Variants in EGFLAM observed in about 807,000 individuals in gnomAD.
EGFLAM encodes the protein pikachurin.
A neutral mutation model predicts 113.1 loss-of-function variants in EGFLAM; 79 were observed. The observed-to-expected ratio is 0.70, with a 90% CI of 0.58 to 0.84. The LOEUF is 0.84. Ranked by LOEUF, EGFLAM falls within the 40% of genes least tolerant of loss-of-function variation. EGFLAM has a pLI of 0.00. For synonymous variants in EGFLAM, 504 were observed against 487.6 expected (o/e 1.03, Z -0.44); for missense variants, 1,265 against 1,291.6 (o/e 0.98, Z 0.32).
At chr5:38,346,813 C>G (rs992085182) in intron 3 of EGFLAM, among the ~76,000 whole-genome samples, 8 of 152,178 alleles carry the variant, frequency 5.3e-5, no homozygotes, top group African/African-American at 1.9e-4. Flanking sequence ...TGCCTCCAGT[C>G]TCTTAACCAC....
At chr5:38,284,472 T>C (rs953866090) in intron 1 of EGFLAM, among the ~76,000 whole-genome samples, 2 of 152,224 alleles carry the variant, frequency 1.3e-5, no homozygotes, top group African/African-American at 4.8e-5. Context: ...TCAATAAAAC[T>C]TTATTTATGG....
chr5:38,295,354 G>A (rs1004730647), intron 1 of EGFLAM, among the ~76,000 whole-genome samples: 4 of 152,228 alleles, frequency 2.6e-5, no homozygotes, highest in African/African-American at 7.2e-5. Flanking sequence ...CATATTTGCA[G>A]TAGTAGTCAA....
chr5:38,415,381 G>T (rs929948491), intron 11 of EGFLAM, among the ~76,000 whole-genome samples: 1 of 145,270 alleles, frequency 6.9e-6, no homozygotes. Context: ...AAAAAGAAAA[G>T]AATTAAGAAT....
At chr5:38,433,978 C>T (rs1742266865) in intron 15 of EGFLAM, among the ~76,000 whole-genome samples, 1 of 152,222 alleles carries the variant, frequency 6.6e-6, no homozygotes, top group South Asian at 2.1e-4. Flanking sequence ...AACAGAGCTT[C>T]TTCCTCCATG....
At chr5:38,329,292 GATAAATAAATAA>G (rs10523377) in intron 1 of EGFLAM, among the ~76,000 whole-genome samples, 67,009 of 146,566 alleles carry the variant, frequency 0.46, 15,738 homozygotes, top group Admixed American at 0.52. Context: ...CTATCTCAAA[GATAAATAAATAA>G]ATAAATAAAT....
intron 13 of EGFLAM, among the ~76,000 whole-genome samples, chr5:38,425,924 G>A (rs907271075): frequency 1.3e-5 from 2 of 152,170 alleles, no homozygotes; most frequent in African/African-American, 4.8e-5. Context: ...CCAACGTGGT[G>A]AAACTCCGTT....
At chr5:38,275,661 C>T (rs1757867516) in intron 1 of EGFLAM, among the ~76,000 whole-genome samples, 2 of 152,138 alleles carry the variant, frequency 1.3e-5, no homozygotes, top group Admixed American at 6.5e-5. Flanking sequence ...CATCAATGGG[C>T]AGACAGAAAA....
intron 6 of EGFLAM, among the ~76,000 whole-genome samples, chr5:38,396,830 A>G (rs192947222): frequency 6.6e-6 from 1 of 152,264 alleles, no homozygotes. Flanking sequence ...TGCTTTGCCT[A>G]TGTATCTCCT....
intron 5 of EGFLAM, among the ~76,000 whole-genome samples, chr5:38,362,950 T>A (rs1739961368): frequency 6.6e-6 from 1 of 152,254 alleles, no homozygotes; most frequent in Non-Finnish European, 1.5e-5. Flanking sequence ...GGGAGCCATT[T>A]GTAAACTGTA....
At chr5:38,392,655 A>C (rs1740844333) in intron 6 of EGFLAM, among the ~76,000 whole-genome samples, 1 of 150,390 alleles carries the variant, frequency 6.6e-6, no homozygotes, top group Non-Finnish European at 1.5e-5. Context: ...ACTGGGATTT[A>C]ATATCATGGT....
In EGFLAM at chr5:38,407,875, T is replaced by C. The variant is rs149575773; in HGVS notation, c.1218T>C (p.Tyr406=). The change falls in exon 9 of 22, where the codon TAT becomes TAC. Residue 406 remains tyrosine (Y), a synonymous_variant. Coordinates refer to ENST00000322350, the MANE Select transcript of EGFLAM (RefSeq NM_152403.4). ...YVTFEPLKNS[Y]QAFQITLEFR... Reference sequence around the variant, plus strand: ...CGTTTGAACCTCTGAAGAATTCTTATCAGGCATTTCAAATTACTCTTGAAT... The same window carrying C: ...CGTTTGAACCTCTGAAGAATTCTTACCAGGCATTTCAAATTACTCTTGAAT... 2.0e-5 allele frequency: 33 copies of C among 1,613,478 alleles called. No homozygotes were observed. Among genetic ancestry groups the C allele is most frequent in the Non-Finnish European group, 2.7e-5 (32 of 1,179,530 alleles).
chr5:38,329,286 C>T (rs1561280385), intron 1 of EGFLAM, among the ~76,000 whole-genome samples: 1 of 144,914 alleles, frequency 6.9e-6, no homozygotes, highest in Non-Finnish European at 1.5e-5. Flanking sequence ...GAGACCCTAT[C>T]TCAAAGATAA....
intron 14 of EGFLAM, among the ~76,000 whole-genome samples, chr5:38,427,565 A>G (rs188740766): frequency 4.6e-4 from 70 of 152,338 alleles, no homozygotes; most frequent in Non-Finnish European, 8.2e-4. Context: ...AAGTTATGTC[A>G]TGTCATCCGC....
intron 6 of EGFLAM, among the ~76,000 whole-genome samples, chr5:38,385,446 A>C (rs1448429522): frequency 6.6e-6 from 1 of 152,134 alleles, no homozygotes; most frequent in East Asian, 1.9e-4. Context: ...TGCAAATGCT[A>C]TGTAAATCAT....
chr5:38,288,271 T>A (rs1189964204), intron 1 of EGFLAM, among the ~76,000 whole-genome samples: 1 of 152,206 alleles, frequency 6.6e-6, no homozygotes, highest in East Asian at 1.9e-4. Flanking sequence ...ATTATCCAAT[T>A]TTCATGACAT....
chr5:38,452,691 T>TG (rs1369721265), intron 19 of EGFLAM, among the ~76,000 whole-genome samples: 1 of 152,206 alleles, frequency 6.6e-6, no homozygotes, highest in Non-Finnish European at 1.5e-5. Context: ...AATCCCTGCT[T>TG]TCAAGTCTCC....
At chr5:38,279,594 T>A (rs138798052) in intron 1 of EGFLAM, among the ~76,000 whole-genome samples, 371 of 152,330 alleles carry the variant, frequency 2.4e-3, no homozygotes, top group African/African-American at 8.6e-3. Context: ...GAAGGCATTA[T>A]GTTAAGTGAA....
intron 1 of EGFLAM, among the ~76,000 whole-genome samples, chr5:38,333,994 T>G (rs1579785092): frequency 7.2e-6 from 1 of 138,358 alleles, no homozygotes; most frequent in Non-Finnish European, 1.5e-5. Flanking sequence ...TGAGATCTCA[T>G]CTCATTGCAA....
At chr5:38,303,852 T>C (rs1579748321) in intron 1 of EGFLAM, among the ~76,000 whole-genome samples, 1 of 152,020 alleles carries the variant, frequency 6.6e-6, no homozygotes, top group African/African-American at 2.4e-5. Flanking sequence ...AAACAGAATA[T>C]AGCCTTGGCA....
Sources: allele counts gnomAD v4.1 joint callset (sites outside exome capture counted in the v4.1 genomes callset), GRCh38; gene constraint gnomAD v4.1.1; transcripts MANE v1.5; gene names NCBI Gene and HGNC (gene_info 2026-07-23, HGNC 2026-07-21).